Variants in RYR3 observed in about 807,000 individuals in gnomAD.
RYR3 encodes the protein ryanodine receptor 3.
Under a neutral mutation model 584.3 loss-of-function variants are expected in RYR3, and 207 were observed. That is an observed-to-expected ratio of 0.35 (90% CI 0.32 to 0.40). RYR3 has a LOEUF of 0.40. RYR3 is among the 10% of genes least tolerant of loss of function. RYR3 has a pLI of 1.00. For missense variants in RYR3, 5,616 were observed against 6,089.2 expected (o/e 0.92, Z 2.59); for synonymous variants, 2,416 against 2,248.5 (o/e 1.07, Z -2.11).
intron 67 of RYR3, among the ~76,000 whole-genome samples, chr15:33,791,955 A>G (rs2075188777): frequency 6.6e-6 from 1 of 152,126 alleles, no homozygotes; most frequent in Non-Finnish European, 1.5e-5. Context: ...ATTTAAGATT[A>G]GGGGATTAGG....
At chr15:33,588,222 G>A (rs547692185) in intron 16 of RYR3, among the ~76,000 whole-genome samples, 6 of 152,278 alleles carry the variant, frequency 3.9e-5, no homozygotes, top group East Asian at 1.9e-4. Flanking sequence ...AAAGAAGGCC[G>A]GAGCCTGGGT....
intron 18 of RYR3, among the ~76,000 whole-genome samples, chr15:33,610,648 G>T (rs2060136133): frequency 6.6e-6 from 1 of 152,314 alleles, no homozygotes; most frequent in Non-Finnish European, 1.5e-5. Flanking sequence ...TTTAGAATCT[G>T]TTATAGGTTG....
chr15:33,670,643 A>C, intron 38 of RYR3, 87 bp downstream of exon 38: 1 of 1,328,468 alleles, frequency 7.5e-7, no homozygotes, highest in Non-Finnish European at 1.0e-6. Flanking sequence ...TAAGATAGAT[A>C]GGGGCTGCTT....
chr15:33,343,044 T>C (rs1432557083), intron 1 of RYR3, among the ~76,000 whole-genome samples: 1 of 152,202 alleles, frequency 6.6e-6, no homozygotes, highest in Non-Finnish European at 1.5e-5. Flanking sequence ...CTATTTTTGA[T>C]AGTGGAAATG....
intron 1 of RYR3, among the ~76,000 whole-genome samples, chr15:33,397,323 G>T (rs2459472): frequency 0.01 from 1,589 of 152,270 alleles, 30 homozygotes; most frequent in African/African-American, 0.035. Context: ...AAGGTGATAC[G>T]GACACAAGCA....
chr15:33,400,304 G>A (rs1220586355), intron 1 of RYR3, among the ~76,000 whole-genome samples: 1 of 152,096 alleles, frequency 6.6e-6, no homozygotes, highest in Non-Finnish European at 1.5e-5. Context: ...AAAGTGTCCC[G>A]ATTTGGAAAA....
chr15:33,614,119 C>T (rs944766280), intron 19 of RYR3, among the ~76,000 whole-genome samples: 4 of 152,158 alleles, frequency 2.6e-5, no homozygotes, highest in African/African-American at 4.8e-5. Flanking sequence ...TTGTTCATAA[C>T]TCATTTTGTA....
chr15:33,864,198 T>C lies in RYR3; in HGVS notation c.14517+9T>C. The C allele has an allele frequency of 6.2e-7, 1 of 1,604,624 alleles. No homozygotes were observed. ...CAGAGCACACGGGTCAGGTGAGAAATTAAGAATCATATACCCGTGTTAGAT... is the reference window on the plus strand; with the variant it reads ...CAGAGCACACGGGTCAGGTGAGAAACTAAGAATCATATACCCGTGTTAGAT... On this transcript the variant is annotated intron_variant, in intron 103 of 103. Coordinates refer to ENST00000634891, the MANE Select transcript of RYR3 (RefSeq NM_001036.6).
rs1555487136 is a variant in RYR3, at chr15:33,464,499, T to TAC, written c.52-8919_52-8918insCA. On this transcript the variant is annotated intron_variant, in intron 1 of 103. Coordinates refer to ENST00000634891, the MANE Select transcript of RYR3 (RefSeq NM_001036.6). ...ATATATATATATATATACACATATA[T>TAC]ATATACATACACATACACATATATG... is the stretch of plus-strand genomic sequence containing the variant. Among the ~76,000 whole-genome samples, 124 of 76,270 alleles carry TAC rather than the reference T, an allele frequency of 1.6e-3. 2 individuals carry two copies. The highest frequency in any genetic ancestry group is 5.3e-3 in the East Asian group (14 of 2,620). The allele number at this position is 76,270 out of a possible 152,430, so 50.0% of individuals were successfully genotyped here. A position where few individuals can be genotyped will look rare whatever the true frequency, so the allele number is the denominator to read the frequency against.
chr15:33,588,235 T>C (rs2058954904), intron 16 of RYR3, among the ~76,000 whole-genome samples: 1 of 152,182 alleles, frequency 6.6e-6, no homozygotes, highest in Admixed American at 6.5e-5. Flanking sequence ...GCCTGGGTCC[T>C]TAGACGTTAA....
chr15:33,645,961 G>T (rs961772396), intron 28 of RYR3, among the ~76,000 whole-genome samples: 3 of 152,090 alleles, frequency 2.0e-5, no homozygotes, highest in Non-Finnish European at 4.4e-5. Flanking sequence ...TCCCTTAGAT[G>T]TTTTCATGCC....
At chr15:33,848,266 G>A in intron 93 of RYR3, 25 bp from the exon 94 acceptor site, 1 of 1,612,748 alleles carries the variant, frequency 6.2e-7, no homozygotes, top group Admixed American at 1.7e-5. Flanking sequence ...CCTGCTCTGA[G>A]TAACCATCCT....
chr15:33,477,887 A>G (rs2049555714), intron 2 of RYR3, among the ~76,000 whole-genome samples: 3 of 55,374 alleles, frequency 5.4e-5, no homozygotes, highest in Admixed American at 3.4e-4. Context: ...GAAAAAAAAA[A>G]AAAAAAAAAA....
At chr15:33,799,553 A>G (rs1218679977) in intron 67 of RYR3, among the ~76,000 whole-genome samples, 2 of 152,226 alleles carry the variant, frequency 1.3e-5, no homozygotes, top group Non-Finnish European at 2.9e-5. Context: ...CTCTTCCCCC[A>G]TACCTTGCCC....
At chr15:33,642,733 A>G (rs574496046) in intron 27 of RYR3, among the ~76,000 whole-genome samples, 32 of 152,238 alleles carry the variant, frequency 2.1e-4, no homozygotes, top group Non-Finnish European at 3.7e-4. Flanking sequence ...ACAAAAATAC[A>G]GAAGCATAGT....
chr15:33,407,599 T>C (rs1223465896), intron 1 of RYR3, among the ~76,000 whole-genome samples: 1 of 152,204 alleles, frequency 6.6e-6, no homozygotes, highest in Non-Finnish European at 1.5e-5. Context: ...AGGGGTGACA[T>C]GCCATTTCAT....
At chr15:33,325,713 TC>T (rs1178949186) in intron 1 of RYR3, among the ~76,000 whole-genome samples, 1 of 113,714 alleles carries the variant, frequency 8.8e-6, no homozygotes, top group African/African-American at 3.1e-5. Flanking sequence ...CTCTCTGCCT[TC>T]CCCCTCCCCC....
chr15:33,848,410 G>A lies in RYR3; in HGVS notation c.13617G>A (p.Val4539=). The A allele has an allele frequency of 6.2e-7, 1 of 1,612,878 alleles. No individual in the cohort carries two copies. The highest frequency in any genetic ancestry group is 2.2e-5 in the East Asian group (1 of 44,886). The part of the protein sequence containing the change: ...DDIKGQWDRL[V]INTPSFPNNY... ...TCAAGGGGCAGTGGGACCGCTTGGT[G>A]ATCAACACACCGTGAGTGTCCCTCT... The change falls in exon 94 of 104, where the codon GTG becomes GTA. Residue 4539 remains valine (V), a synonymous_variant. Transcript: ENST00000634891.
intron 34 of RYR3, among the ~76,000 whole-genome samples, chr15:33,661,888 G>A (rs976511853): frequency 3.4e-4 from 51 of 152,074 alleles, no homozygotes; most frequent in Admixed American, 2.9e-3. Flanking sequence ...TGGGAATTTC[G>A]GATTTTTTCC....
Sources: allele counts gnomAD v4.1 joint callset (sites outside exome capture counted in the v4.1 genomes callset), GRCh38; gene constraint gnomAD v4.1.1; transcripts MANE v1.5; gene names NCBI Gene and HGNC (gene_info 2026-07-23, HGNC 2026-07-21).